The following RNF149 variants were observed in gnomAD, a reference collection of about 807,000 sequenced individuals.
The protein encoded by RNF149 is ring finger protein 149.
Under a neutral mutation model 39.0 loss-of-function variants are expected in RNF149, and 21 were observed. The ratio of observed to expected loss-of-function variants is 0.54; its 90% confidence interval spans 0.38 to 0.77. The LOEUF is 0.77. RNF149 is among the 30% of genes least tolerant of loss of function. The pLI is 0.00. For synonymous variants in RNF149, 209 were observed against 213.6 expected, an observed-to-expected ratio of 0.98 and a Z score of 0.19; for missense variants, 493 against 534.9, an observed-to-expected ratio of 0.92 and a Z score of 0.77.
chr2:101,308,681 C>T lies in RNF149; in HGVS notation c.-93G>A, dbSNP rs899180664. The T allele has an allele frequency of 4.2e-6, 5 of 1,186,952 alleles. No individual in the cohort carries two copies. Among genetic ancestry groups the T allele is most frequent in the Admixed American group, 3.3e-5 (1 of 30,046 alleles). 73.5% of individuals were successfully genotyped at this position (1,186,952 alleles called of 1,614,324 possible). ...AGAGAAGCGGACACCCACCGCCGCCCTGGAAGACTGAGGCGGGGTCGGGGC... is the reference window on the plus strand; with the variant it reads ...AGAGAAGCGGACACCCACCGCCGCCTTGGAAGACTGAGGCGGGGTCGGGGC... On this transcript the variant is annotated 5_prime_UTR_variant, in exon 1 of 7. Transcript: ENST00000295317.
chr2:101,281,864 A>G lies in RNF149; in HGVS notation c.1154T>C (p.Leu385Ser), dbSNP rs1478604791. 6.2e-7 allele frequency: 1 copy of G among 1,613,770 alleles called. No homozygotes were observed. The highest frequency in any genetic ancestry group is 8.5e-7 in the Non-Finnish European group (1 of 1,180,020). ...ATAATTTGCACACCGCTCACCTAGC[A>G]ATGCCGTATTTTCTCCTGCATCTCC... ...FKGDAGENTA[L>S]LEAGRSDSRH... is the part of the protein sequence containing the mutation. The change falls in exon 6 of 7, where the codon TTG becomes TCG. Residue 385 changes from leucine (L) to serine (S), a missense_variant. By Grantham distance (145) the Leu-to-Ser change is moderately radical (BLOSUM62 -2). Coordinates refer to ENST00000295317, the MANE Select transcript of RNF149 (RefSeq NM_173647.4).
Position 101,275,737 on chromosome 2 carries a change from G to C in RNF149, c.*1501C>G. ...ATTACAGGCGTGAGCCACCGCGCCC[G>C]GCCCTCCTAGTATTTCTTAAAGACA... On this transcript the variant is annotated 3_prime_UTR_variant, in exon 7 of 7. Transcript: ENST00000295317. 1 of 959,418 alleles carries C rather than the reference G, an allele frequency of 1.0e-6. No homozygotes were observed. The highest frequency in any genetic ancestry group is 6.2e-5 in the Admixed American group (1 of 16,258). The allele number at this position is 959,418 out of a possible 1,614,324, so 59.4% of individuals were successfully genotyped here.
intron 4 of RNF149, 98 bp downstream of exon 4, chr2:101,288,869 AAATTAC>A (rs1682894083): frequency 1.6e-6 from 1 of 625,668 alleles, no homozygotes; most frequent in Admixed American, 3.1e-5. Context: ...AGATGATCAC[AAATTAC>A]AAGATCTTCA....
At chr2:101,294,860 C>A in intron 2 of RNF149, 71 bp downstream of exon 2, 1 of 1,222,976 alleles carries the variant, frequency 8.2e-7, no homozygotes, top group South Asian at 1.4e-5. Flanking sequence ...AATGTAACTT[C>A]TAGGAATATA....
At chr2:101,291,213 C>T (rs946521606) in intron 3 of RNF149, among the ~76,000 whole-genome samples, 11 of 152,044 alleles carry the variant, frequency 7.2e-5, no homozygotes, top group Non-Finnish European at 1.0e-4. Flanking sequence ...GGCAGTGGCG[C>T]GATCTTGGCT....
At chr2:101,282,329 GTGAAGCTTTC>G (rs1228832703) in intron 5 of RNF149, among the ~76,000 whole-genome samples, 1 of 152,056 alleles carries the variant, frequency 6.6e-6, no homozygotes, top group Non-Finnish European at 1.5e-5. Flanking sequence ...TTGACAGAAA[GTGAAGCTTTC>G]TTCCACTTCC....
In RNF149 at chr2:101,275,878, G is replaced by A. The variant is rs1187193352; in HGVS notation, c.*1360C>T. 1.0e-6 allele frequency: 1 copy of A among 985,112 alleles called. No individual in the cohort carries two copies. The highest frequency in any genetic ancestry group is 1.1e-4 in the East Asian group (1 of 8,806). The allele number at this position is 985,112 out of a possible 1,614,324, so 61.0% of individuals were successfully genotyped here. On this transcript the variant is annotated 3_prime_UTR_variant, in exon 7 of 7. Transcript: ENST00000295317. Reference sequence around the variant, plus strand: ...TATGGAAACCTACTTGAGGTTGTCTGCTAAAACCAACTCAGTGTGCAAAGC... The same window carrying A: ...TATGGAAACCTACTTGAGGTTGTCTACTAAAACCAACTCAGTGTGCAAAGC...
rs74755446 is a variant in RNF149 at position 101,292,840 on chromosome 2, C to T, written c.780+1174G>A. Among the ~76,000 whole-genome samples the T allele has an allele frequency of 4.4e-3, 662 of 152,166 alleles. 13 individuals are homozygous for T. The East Asian group carries it at 0.073, about 17-fold the overall frequency. The stretch of plus-strand genomic sequence containing the variant: ...GTCATGTTCCAAGAGGAACATAAAC[C>T]ACGTTTGTCAAGTAACTGACTATGC... On this transcript the variant is annotated intron_variant, in intron 3 of 6. Transcript: ENST00000295317.
intron 6 of RNF149, among the ~76,000 whole-genome samples, chr2:101,278,082 T>C (rs575497636): frequency 1.3e-5 from 2 of 152,362 alleles, no homozygotes; most frequent in African/African-American, 4.8e-5. Context: ...GCTCTTAGAA[T>C]AGAATACTTC....
chr2:101,302,123 G>A (rs1228224718), intron 1 of RNF149, among the ~76,000 whole-genome samples: 2 of 152,134 alleles, frequency 1.3e-5, no homozygotes, highest in Admixed American at 1.3e-4. Flanking sequence ...CTGCCTCTTA[G>A]ATACCTCTTT....
downstream of RNF149, among the ~76,000 whole-genome samples, chr2:101,272,305 C>CT (rs141113490): frequency 4.5e-3 from 679 of 152,224 alleles, 3 homozygotes; most frequent in African/African-American, 0.015. Flanking sequence ...CATGGGTTGG[C>CT]TTTTTTTCCT....
rs775986033 is a variant in RNF149 at position 101,276,228 on chromosome 2, CAG to C, written c.*1008_*1009del. The C allele has an allele frequency of 1.0e-6, 1 of 985,256 alleles. No individual in the cohort carries two copies. Among genetic ancestry groups the C allele is most frequent in the Non-Finnish European group, 1.2e-6 (1 of 829,836 alleles). The allele number at this position is 985,256 out of a possible 1,614,324, so 61.0% of individuals were successfully genotyped here. A position where few individuals can be genotyped will look rare whatever the true frequency, so the allele number is the denominator to read the frequency against. ...CTACCTCCAAGAAGTGAAAAAATAGCAGAGTGTGTGTTTAATCACTTTTTAAC... is the reference window on the plus strand; with the variant it reads ...CTACCTCCAAGAAGTGAAAAAATAGCAGTGTGTGTTTAATCACTTTTTAAC... On this transcript the variant is annotated 3_prime_UTR_variant, in exon 7 of 7. Coordinates refer to ENST00000295317, the MANE Select transcript of RNF149 (RefSeq NM_173647.4).
chr2:101,282,622 C>A (rs1362683662), intron 5 of RNF149, among the ~76,000 whole-genome samples: 1 of 152,160 alleles, frequency 6.6e-6, no homozygotes, highest in South Asian at 2.1e-4. Context: ...GGGACACTAT[C>A]AGCATCACTG....
intron 6 of RNF149, 148 bp from the exon 7 acceptor site, chr2:101,277,429 GC>G: frequency 1.7e-6 from 2 of 1,157,010 alleles, no homozygotes; most frequent in Non-Finnish European, 2.3e-6. Flanking sequence ...TGTTCTTGTT[GC>G]CCAGGCTGGA....
At chr2:101,282,194 C>A in intron 5 of RNF149, 137 bp from the exon 6 acceptor site, 1 of 1,251,348 alleles carries the variant, frequency 8.0e-7, no homozygotes. Context: ...ACATCAATGT[C>A]TCCCTTATCT....
chr2:101,308,017 T>A (rs1683744124), intron 1 of RNF149, 112 bp downstream of exon 1: 9 of 1,481,288 alleles, frequency 6.1e-6, no homozygotes, highest in Non-Finnish European at 8.0e-6. Context: ...GCCAGAGGCC[T>A]GAGAGCCGTG....
chr2:101,284,507 T>A (rs547572505), intron 5 of RNF149, among the ~76,000 whole-genome samples: 2 of 152,074 alleles, frequency 1.3e-5, no homozygotes, highest in African/African-American at 4.8e-5. Flanking sequence ...CTTGAACCCA[T>A]GAGGCAGAGG....
intron 3 of RNF149, among the ~76,000 whole-genome samples, chr2:101,293,252 A>G (rs1350226611): frequency 1.3e-5 from 2 of 152,222 alleles, no homozygotes; most frequent in South Asian, 4.1e-4. Flanking sequence ...TCTGAAGGGG[A>G]GTAGAGATTG....
intron 5 of RNF149, among the ~76,000 whole-genome samples, chr2:101,285,126 G>A (rs939966900): frequency 1.3e-5 from 2 of 152,002 alleles, no homozygotes; most frequent in African/African-American, 4.8e-5. Context: ...TTGAACTCCT[G>A]ACCTCAAGTG....
Sources: allele counts gnomAD v4.1 joint callset (sites outside exome capture counted in the v4.1 genomes callset), GRCh38; gene constraint gnomAD v4.1.1; transcripts MANE v1.5; gene names NCBI Gene and HGNC (gene_info 2026-07-23, HGNC 2026-07-21).